CAMTA1: variants seen among roughly 807,000 people sequenced by gnomAD.
CAMTA1 encodes calmodulin binding transcription activator 1.
CAMTA1 carries 27 observed loss-of-function variants against 170.9 expected under a neutral mutation model. That is an observed-to-expected ratio of 0.16 (90% confidence interval 0.12 to 0.22). The LOEUF is 0.22. CAMTA1 is among the 10% of genes least tolerant of loss of function. The pLI is 1.00. For missense variants in CAMTA1, 1,619 were observed against 2,217.2 expected, an observed-to-expected ratio of 0.73 and a Z score of 5.42; for synonymous variants, 833 against 891.5, an observed-to-expected ratio of 0.93 and a Z score of 1.17.
intron 4 of CAMTA1, among the ~76,000 whole-genome samples, chr1:7,211,203 T>C (rs1040443224): frequency 6.6e-6 from 1 of 152,240 alleles, no homozygotes; most frequent in African/African-American, 2.4e-5. Context: ...TTGGCAGGCA[T>C]GATAGTGTCT....
intron 5 of CAMTA1, among the ~76,000 whole-genome samples, chr1:7,340,475 A>C (rs922851578): frequency 4.6e-5 from 7 of 151,996 alleles, no homozygotes; most frequent in East Asian, 1.9e-4. Flanking sequence ...AGACTAGGGG[A>C]GGGCCCAGGA....
intron 4 of CAMTA1, among the ~76,000 whole-genome samples, chr1:7,155,153 G>A (rs893771288): frequency 6.6e-6 from 1 of 152,182 alleles, no homozygotes; most frequent in Non-Finnish European, 1.5e-5. Flanking sequence ...AGCCTGTGCC[G>A]GGGCAGCAGG....
At chr1:7,345,135 C>G (rs1366190284) in intron 5 of CAMTA1, among the ~76,000 whole-genome samples, 2 of 151,980 alleles carry the variant, frequency 1.3e-5, no homozygotes, top group Non-Finnish European at 2.9e-5. Context: ...GATAAGAATC[C>G]TTCATCCCTT....
At chr1:7,390,464 C>T (rs889390941) in intron 5 of CAMTA1, among the ~76,000 whole-genome samples, 2 of 152,218 alleles carry the variant, frequency 1.3e-5, no homozygotes, top group South Asian at 2.1e-4. Flanking sequence ...CCACTGCCAA[C>T]GCCAGTACCA....
At chr1:6,969,642 G>C (rs1692191805) in intron 3 of CAMTA1, among the ~76,000 whole-genome samples, 1 of 152,182 alleles carries the variant, frequency 6.6e-6, no homozygotes, top group Admixed American at 6.5e-5. Context: ...TACCTTTGGG[G>C]TTTCTTTGCA....
chr1:6,885,623 T>G (rs1225886493), intron 3 of CAMTA1, among the ~76,000 whole-genome samples: 2 of 152,222 alleles, frequency 1.3e-5, no homozygotes, highest in Non-Finnish European at 2.9e-5. Context: ...TGCATGCCAT[T>G]GCTCTGGTGG....
chr1:7,406,000 G>A (rs923877372), intron 5 of CAMTA1, among the ~76,000 whole-genome samples: 29 of 152,186 alleles, frequency 1.9e-4, no homozygotes, highest in Admixed American at 1.5e-3. Flanking sequence ...CTCGGGCCCC[G>A]GCACTGCAGT....
chr1:7,493,968 G>A (rs79765253), intron 6 of CAMTA1, among the ~76,000 whole-genome samples: 6,261 of 152,198 alleles, frequency 0.041, 237 homozygotes, highest in East Asian at 0.2. Flanking sequence ...CCACCCGCCG[G>A]CCTCTCCTGC....
intron 5 of CAMTA1, among the ~76,000 whole-genome samples, chr1:7,310,670 TC>T (rs371430344): frequency 0.14 from 7,067 of 52,344 alleles, 818 homozygotes; most frequent in African/African-American, 0.21. Flanking sequence ...TTTCTTTCTT[TC>T]CTTTCTTTCT....
At chr1:7,012,476 G>A (rs1419513194) in intron 3 of CAMTA1, among the ~76,000 whole-genome samples, 3 of 151,958 alleles carry the variant, frequency 2.0e-5, no homozygotes, top group Non-Finnish European at 2.9e-5. Context: ...AACATGCCAC[G>A]ATTTCTCCCA....
intron 11 of CAMTA1, among the ~76,000 whole-genome samples, chr1:7,730,444 C>T (rs921785827): frequency 6.6e-5 from 10 of 152,168 alleles, no homozygotes; most frequent in Non-Finnish European, 7.3e-5. Context: ...TGAGCAAACT[C>T]GAAGTGTCAC....
chr1:7,354,309 C>T lies in CAMTA1; in HGVS notation c.438+104683C>T, dbSNP rs541343527. ...GACTACAGGCGCCTGCCACCGCGCC[C>T]GGCTAATTTTTTTGTGTTTTTAGTA... On this transcript the variant is annotated intron_variant, in intron 5 of 22. Coordinates refer to ENST00000303635, the MANE Select transcript of CAMTA1 (RefSeq NM_015215.4). Among the ~76,000 whole-genome samples the T allele has an allele frequency of 2.2e-4, 33 of 152,188 alleles. No homozygotes were observed. The East Asian group carries it at 3.5e-3, about 16-fold the overall frequency.
At chr1:7,510,816 G>A (rs1243056215) in intron 6 of CAMTA1, among the ~76,000 whole-genome samples, 2 of 144,926 alleles carry the variant, frequency 1.4e-5, no homozygotes, top group African/African-American at 2.5e-5. Flanking sequence ...AGGCATCCCA[G>A]TTCATAAACA....
At chr1:7,655,055 TACAA>T (rs2095877551) in intron 7 of CAMTA1, among the ~76,000 whole-genome samples, 1 of 106,582 alleles carries the variant, frequency 9.4e-6, no homozygotes, top group Non-Finnish European at 1.9e-5. Flanking sequence ...CACACACCTA[TACAA>T]ACACACCCAC....
chr1:6,987,051 G>A (rs1695479357), intron 3 of CAMTA1, among the ~76,000 whole-genome samples: 1 of 151,962 alleles, frequency 6.6e-6, no homozygotes, highest in Non-Finnish European at 1.5e-5. Flanking sequence ...GGGTATTTTG[G>A]TAAACTCTTC....
At chr1:6,789,580 G>A (rs556073510) in intron 1 of CAMTA1, among the ~76,000 whole-genome samples, 31 of 152,012 alleles carry the variant, frequency 2.0e-4, no homozygotes, top group Admixed American at 1.9e-3. Context: ...ATTTTCTTCT[G>A]TTCCCCTCAT....
intron 4 of CAMTA1, among the ~76,000 whole-genome samples, chr1:7,135,756 GTC>G (rs1645504867): frequency 6.6e-6 from 1 of 152,098 alleles, no homozygotes; most frequent in Non-Finnish European, 1.5e-5. Flanking sequence ...CTGGATCGCT[GTC>G]TCTTTCTGAC....
intron 5 of CAMTA1, among the ~76,000 whole-genome samples, chr1:7,447,011 G>C (rs746312449): frequency 1.1e-4 from 16 of 152,288 alleles, no homozygotes; most frequent in Admixed American, 3.3e-4. Context: ...TGGAGCTGTC[G>C]GGGTTTGGGC....
At chr1:7,648,492 C>T (rs148700096) in intron 7 of CAMTA1, among the ~76,000 whole-genome samples, 132 of 152,238 alleles carry the variant, frequency 8.7e-4, no homozygotes, top group Middle Eastern at 3.4e-3. Context: ...GGATCAGCCC[C>T]GGGTGGGAGA....
Sources: allele counts gnomAD v4.1 joint callset (sites outside exome capture counted in the v4.1 genomes callset), GRCh38; gene constraint gnomAD v4.1.1; transcripts MANE v1.5; gene names NCBI Gene and HGNC (gene_info 2026-07-23, HGNC 2026-07-21).